The following LAP3 variants were observed in gnomAD, a reference collection of about 807,000 sequenced individuals.
The protein encoded by LAP3 is cytosol aminopeptidase.
In LAP3, 46 loss-of-function variants were observed where a neutral mutation model predicts 58.8. The observed-to-expected ratio is 0.78, with a 90% CI of 0.62 to 1.00. LAP3 has a LOEUF of 1.00. Ranked by LOEUF, LAP3 falls within the 50% of genes least tolerant of loss-of-function variation. The pLI is 0.00. For missense variants in LAP3, 615 were observed against 659.1 expected (o/e 0.93, Z 0.73); for synonymous variants, 257 against 237.7 (o/e 1.08, Z -0.75).
At chr4:17,586,406 G>C (rs977204409) in intron 6 of LAP3, among the ~76,000 whole-genome samples, 1 of 152,182 alleles carries the variant, frequency 6.6e-6, no homozygotes. Context: ...AGAAAGCACA[G>C]TACTTAGAGC....
At chr4:17,595,652 G>C in intron 8 of LAP3, 118 bp downstream of exon 8, 1 of 1,210,068 alleles carries the variant, frequency 8.3e-7, no homozygotes, top group South Asian at 1.4e-5. Flanking sequence ...TTTTTAAATA[G>C]TCATCAAGCA....
At chr4:17,595,570 C>A (rs776310359) in intron 8 of LAP3, 36 bp downstream of exon 8, 9 of 1,603,596 alleles carry the variant, frequency 5.6e-6, no homozygotes, top group Admixed American at 1.7e-5. Context: ...CATAACGCTT[C>A]TGGATTCTAG....
chr4:17,584,624 C>T (rs749649480), intron 5 of LAP3, among the ~76,000 whole-genome samples: 6 of 152,336 alleles, frequency 3.9e-5, no homozygotes, highest in East Asian at 1.9e-4. Context: ...GAGAACAAAA[C>T]GGGCTTTTCT....
chr4:17,582,104 T>G (rs1713379514), intron 3 of LAP3, 184 bp from the exon 4 acceptor site: 2 of 616,120 alleles, frequency 3.2e-6, no homozygotes, highest in Admixed American at 6.3e-5. Flanking sequence ...GTTATACAAT[T>G]TTGCCAGGAC....
intron 4 of LAP3, chr4:17,582,610 A>G (rs960165556): frequency 6.4e-6 from 3 of 466,110 alleles, no homozygotes; most frequent in South Asian, 2.6e-5. Flanking sequence ...ATATATCTAT[A>G]TCTCATTTGG....
In LAP3 at chr4:17,584,834, C is replaced by A. The variant is rs1713459918; in HGVS notation, c.540-138C>A. On this transcript the variant is annotated intron_variant, in intron 5 of 12. Transcript: ENST00000226299. Reference sequence around the variant, plus strand: ...CTGGGTCAGATCACAAAAAATGAATCCAGGTCCTGTGTGCCAATTGTTTTT... The same window carrying A: ...CTGGGTCAGATCACAAAAAATGAATACAGGTCCTGTGTGCCAATTGTTTTT... The A allele has an allele frequency of 5.1e-6, 4 of 786,498 alleles. No homozygotes were observed. In the South Asian group the frequency reaches 7.6e-5, roughly 15 times the overall value. The allele number at this position is 786,498 out of a possible 1,614,324, so 48.7% of individuals were successfully genotyped here.
chr4:17,579,777 G>A (rs1181101594), intron 1 of LAP3, 47 bp from the exon 2 acceptor site: 4 of 1,054,186 alleles, frequency 3.8e-6, no homozygotes, highest in Middle Eastern at 2.1e-4. Context: ...CCTCTCTAAG[G>A]GATCTACTCT....
chr4:17,584,396 C>A (rs979873882), intron 5 of LAP3, among the ~76,000 whole-genome samples: 3 of 152,230 alleles, frequency 2.0e-5, no homozygotes, highest in Non-Finnish European at 4.4e-5. Flanking sequence ...CTGTTACTCA[C>A]CCACCTCTGT....
At chr4:17,600,656 CT>C in intron 10 of LAP3, among the ~76,000 whole-genome samples, 1 of 152,262 alleles carries the variant, frequency 6.6e-6, no homozygotes, top group Middle Eastern at 3.4e-3. Context: ...TCTGGGTGAG[CT>C]TTCAGACCAC....
intron 7 of LAP3, 86 bp downstream of exon 7, chr4:17,589,063 A>ATTTT: frequency 9.3e-7 from 1 of 1,079,522 alleles, no homozygotes; most frequent in Non-Finnish European, 1.3e-6. Flanking sequence ...TTTTGGTTTG[A>ATTTT]TTTTTTTTTT....
Position 17,577,416 on chromosome 4 carries a change from C to G in LAP3, c.-50C>G. ...CCCGCCCCAAGGCGCGCCCGCCCACCGCTCTCCACGTGCTCGCTGGAGGGC... is the reference window on the plus strand; with the variant it reads ...CCCGCCCCAAGGCGCGCCCGCCCACGGCTCTCCACGTGCTCGCTGGAGGGC... On this transcript the variant is annotated 5_prime_UTR_variant, in exon 1 of 13. Transcript: ENST00000226299. The G allele has an allele frequency of 7.1e-7, 1 of 1,409,990 alleles. No individual in the cohort carries two copies. Among genetic ancestry groups the G allele is most frequent in the Non-Finnish European group, 9.5e-7 (1 of 1,055,156 alleles). 87.3% of individuals were successfully genotyped at this position (1,409,990 alleles called of 1,614,324 possible). A position where few individuals can be genotyped will look rare whatever the true frequency, so the allele number is the denominator to read the frequency against.
intron 7 of LAP3, among the ~76,000 whole-genome samples, chr4:17,592,369 TTATC>T (rs1713709010): frequency 6.6e-6 from 1 of 152,052 alleles, no homozygotes; most frequent in Admixed American, 6.6e-5. Flanking sequence ...TATCTGGGGT[TTATC>T]TATGTTGTTG....
chr4:17,582,139 C>A, intron 3 of LAP3, 149 bp from the exon 4 acceptor site: 1 of 685,074 alleles, frequency 1.5e-6, no homozygotes, highest in Non-Finnish European at 2.5e-6. Flanking sequence ...AAAAAAAAGC[C>A]ACAACCAAAT....
At chr4:17,584,494 T>G (rs1466335426) in intron 5 of LAP3, among the ~76,000 whole-genome samples, 1 of 152,182 alleles carries the variant, frequency 6.6e-6, no homozygotes, top group Non-Finnish European at 1.5e-5. Context: ...GGGTTGGAAT[T>G]TGGAGCCCCG....
intron 6 of LAP3, chr4:17,587,554 G>A (rs1156872383): frequency 6.6e-6 from 1 of 152,172 alleles, no homozygotes; most frequent in African/African-American, 2.4e-5. Context: ...TTTAACAAGT[G>A]GATGGCAAAT....
At chr4:17,587,780 C>G (rs1232329961) in intron 6 of LAP3, 2 of 152,186 alleles carry the variant, frequency 1.3e-5, no homozygotes, top group South Asian at 2.1e-4. Flanking sequence ...TAAGAACTAA[C>G]TAGTTTTCTC....
At chr4:17,606,617 C>T (rs1459793311) in intron 11 of LAP3, among the ~76,000 whole-genome samples, 4 of 152,210 alleles carry the variant, frequency 2.6e-5, no homozygotes, top group Non-Finnish European at 4.4e-5. Context: ...GGATTATAGG[C>T]GTGAGCCACT....
chr4:17,590,657 C>T (rs150416266), intron 7 of LAP3, among the ~76,000 whole-genome samples: 3,229 of 150,668 alleles, frequency 0.021, 49 homozygotes, highest in Middle Eastern at 0.053. Flanking sequence ...CTGCAAGCTC[C>T]GCCTCCCGGG....
rs1713373467 is a variant in LAP3, at chr4:17,581,867, A to G, written c.273+53A>G. On this transcript the variant is annotated intron_variant, in intron 3 of 12. Transcript: ENST00000226299. ...AACCCTCAATGAGCATCTACTGTAC[A>G]CCAAGTATTGGGGCTGTCTAGTCAT... 4 of 1,379,578 alleles carry G rather than the reference A, an allele frequency of 2.9e-6. No individual in the cohort carries two copies. The South Asian group carries it at 4.7e-5, about 16-fold the overall frequency. The allele number at this position is 1,379,578 out of a possible 1,614,324, so 85.5% of individuals were successfully genotyped here. A position where few individuals can be genotyped will look rare whatever the true frequency, so the allele number is the denominator to read the frequency against.
Sources: allele counts gnomAD v4.1 joint callset (sites outside exome capture counted in the v4.1 genomes callset), GRCh38; gene constraint gnomAD v4.1.1; transcripts MANE v1.5; gene names NCBI Gene and HGNC (gene_info 2026-07-23, HGNC 2026-07-21).